The following PLEKHA5 variants were observed in gnomAD, a reference collection of about 807,000 sequenced individuals.
The protein encoded by PLEKHA5 is pleckstrin homology domain-containing family A member 5.
A neutral mutation model predicts 181.9 loss-of-function variants in PLEKHA5; 55 were observed. That is an observed-to-expected ratio of 0.30 (90% CI 0.24 to 0.38). The LOEUF (loss-of-function observed/expected upper bound fraction) is 0.38. PLEKHA5 is among the 10% of genes least tolerant of loss of function. PLEKHA5 has a pLI of 1.00. For missense variants in PLEKHA5, 1,432 were observed against 1,549.5 expected (o/e 0.92, Z 1.27); for synonymous variants, 535 against 529.4 (o/e 1.01, Z -0.15).
intron 20 of PLEKHA5, among the ~76,000 whole-genome samples, chr12:19,333,304 C>T (rs12811855): frequency 0.093 from 14,133 of 151,608 alleles, 719 homozygotes; most frequent in Middle Eastern, 0.18. Flanking sequence ...GAAGGCCAGC[C>T]GCGGGTGGCT....
At chr12:19,265,939 A>G in intron 8 of PLEKHA5, 89 bp downstream of exon 8, 1 of 632,914 alleles carries the variant, frequency 1.6e-6, no homozygotes, top group Non-Finnish European at 2.8e-6. Context: ...CAAAAAAGCT[A>G]CCTTATAGTG....
intron 3 of PLEKHA5, among the ~76,000 whole-genome samples, chr12:19,232,596 A>T (rs2060798720): frequency 6.6e-6 from 1 of 152,098 alleles, no homozygotes; most frequent in African/African-American, 2.4e-5. Flanking sequence ...AGAAGTTGTC[A>T]CTCTCTGAGG....
At chr12:19,176,386 T>G (rs1399196634) in intron 3 of PLEKHA5, 3 of 152,018 alleles carry the variant, frequency 2.0e-5, no homozygotes, top group Non-Finnish European at 4.4e-5. Flanking sequence ...TTTGACCTGC[T>G]CTGTTTCCAG....
intron 3 of PLEKHA5, among the ~76,000 whole-genome samples, chr12:19,147,596 C>CTTTTTTTT (rs71064060): frequency 7.3e-6 from 1 of 137,612 alleles, no homozygotes; most frequent in African/African-American, 2.6e-5. Context: ...TTTCTTTTTT[C>CTTTTTTTT]TTTTTTTTTT....
intron 16 of PLEKHA5, among the ~76,000 whole-genome samples, chr12:19,317,832 A>T (rs2089430473): frequency 6.6e-6 from 1 of 151,748 alleles, no homozygotes; most frequent in African/African-American, 2.4e-5. Flanking sequence ...GGAGCACTGC[A>T]CAAGTTTATG....
intron 3 of PLEKHA5, among the ~76,000 whole-genome samples, chr12:19,231,382 C>T (rs559806771): frequency 6.6e-6 from 1 of 151,926 alleles, no homozygotes; most frequent in South Asian, 2.1e-4. Flanking sequence ...ATTTTATATA[C>T]AGTTAGAGTG....
intron 3 of PLEKHA5, among the ~76,000 whole-genome samples, chr12:19,174,593 G>A (rs1482450091): frequency 6.6e-6 from 1 of 152,160 alleles, no homozygotes; most frequent in Non-Finnish European, 1.5e-5. Flanking sequence ...CAGGCGTAGG[G>A]ACCGTTCTGC....
At chr12:19,224,226 G>T (rs1479211688) in intron 3 of PLEKHA5, among the ~76,000 whole-genome samples, 1 of 152,152 alleles carries the variant, frequency 6.6e-6, no homozygotes, top group Admixed American at 6.5e-5. Flanking sequence ...ATAAAAATCT[G>T]CAATTTTGCG....
chr12:19,371,934 T>TA (rs1565678602), intron 31 of PLEKHA5: 2 of 152,248 alleles, frequency 1.3e-5, no homozygotes, highest in African/African-American at 4.8e-5. Flanking sequence ...ACCAGCAGTG[T>TA]AAAAGTGTTT....
At chr12:19,309,265 G>A (rs1205315667) in intron 15 of PLEKHA5, among the ~76,000 whole-genome samples, 1 of 151,594 alleles carries the variant, frequency 6.6e-6, no homozygotes, top group Non-Finnish European at 1.5e-5. Flanking sequence ...GAGTTGTATA[G>A]TTTTTCATAA....
At chr12:19,233,516 G>C (rs765914299) in intron 3 of PLEKHA5, among the ~76,000 whole-genome samples, 1 of 151,934 alleles carries the variant, frequency 6.6e-6, no homozygotes, top group Non-Finnish European at 1.5e-5. Flanking sequence ...ACCAATTTAC[G>C]GTATTCAGAA....
intron 3 of PLEKHA5, among the ~76,000 whole-genome samples, chr12:19,193,971 A>C (rs1465038660): frequency 2.0e-5 from 3 of 151,282 alleles, no homozygotes; most frequent in Admixed American, 2.0e-4. Context: ...ATCTCATGAG[A>C]ACTCACTCAG....
At chr12:19,320,480 A>G (rs983141867) in intron 17 of PLEKHA5, 82 bp from the exon 18 acceptor site, 2 of 643,842 alleles carry the variant, frequency 3.1e-6, no homozygotes, top group Non-Finnish European at 2.7e-6. Flanking sequence ...TATATTTAAT[A>G]TAAATCCAAA....
chr12:19,291,722 C>G (rs1332207541), intron 15 of PLEKHA5, 25 bp downstream of exon 15: 2 of 1,242,882 alleles, frequency 1.6e-6, no homozygotes, highest in South Asian at 2.7e-5. Flanking sequence ...GATTTTCTTA[C>G]TTTTAATACT....
intron 17 of PLEKHA5, among the ~76,000 whole-genome samples, chr12:19,320,289 G>T (rs2090303643): frequency 6.6e-6 from 1 of 151,932 alleles, no homozygotes; most frequent in African/African-American, 2.4e-5. Flanking sequence ...AATGATGTAA[G>T]ATACTGTATT....
At position 19,129,735 on chromosome 12, in the gene PLEKHA5, TC is replaced by T; in HGVS notation, c.-62del. The stretch of plus-strand genomic sequence containing the variant: ...CTCCGCGCTCCCTTCGCTCGCTCGT[TC>T]CCTCCTCCCTCGGCAGCCGCGGCGG... On this transcript the variant is annotated 5_prime_UTR_variant, in exon 1 of 32. Transcript: ENST00000429027. 3.9e-6 allele frequency: 5 copies of T among 1,291,218 alleles called. No homozygotes were observed. The highest frequency in any genetic ancestry group is 5.5e-6 in the Non-Finnish European group (5 of 912,722). The allele number at this position is 1,291,218 out of a possible 1,614,324, so 80.0% of individuals were successfully genotyped here.
At chr12:19,197,317 C>T (rs957945650) in intron 3 of PLEKHA5, among the ~76,000 whole-genome samples, 1 of 152,092 alleles carries the variant, frequency 6.6e-6, no homozygotes, top group Non-Finnish European at 1.5e-5. Context: ...GGCTATTTTT[C>T]AAATATGTCA....
intron 3 of PLEKHA5, among the ~76,000 whole-genome samples, chr12:19,139,564 A>G (rs920009033): frequency 5.3e-5 from 8 of 152,228 alleles, no homozygotes; most frequent in African/African-American, 1.4e-4. Flanking sequence ...TTTAAGCTTT[A>G]TGAATGAAAC....
intron 20 of PLEKHA5, among the ~76,000 whole-genome samples, chr12:19,333,178 G>C (rs1415767018): frequency 6.6e-6 from 1 of 151,982 alleles, no homozygotes; most frequent in Non-Finnish European, 1.5e-5. Flanking sequence ...CCAACTACTC[G>C]GGAGCCTGAG....
Sources: gnomAD v4.1 joint callset for allele counts (sites outside exome capture counted in the v4.1 genomes callset) on GRCh38, gnomAD v4.1.1 for gene constraint, MANE v1.5 for transcripts, NCBI Gene and HGNC (gene_info 2026-07-23, HGNC 2026-07-21) for gene names.